The following TP63 variants were observed in gnomAD, a reference collection of about 807,000 sequenced individuals.
The protein encoded by TP63 is tumor protein 63.
A neutral mutation model predicts 82.8 loss-of-function variants in TP63; 17 were observed. That is an observed-to-expected ratio of 0.21 (90% CI 0.14 to 0.31). The LOEUF (loss-of-function observed/expected upper bound fraction) is 0.31, where lower values mean the gene tolerates loss of function less well. Among genes scored for constraint, TP63 ranks in the 10% least tolerant of loss-of-function variants. TP63 has a pLI of 1.00. For synonymous variants in TP63, 330 were observed against 321.7 expected (o/e 1.03, Z -0.28); for missense variants, 648 against 895.3 (o/e 0.72, Z 3.52).
rs1297458185 is a variant in TP63 at position 189,880,932 on chromosome 3, C to CAA, written c.1350-5456_1350-5455dup. On this transcript the variant is annotated intron_variant, in intron 10 of 13. Transcript: ENST00000264731. ...ACATGAAACCCTGGAAGACCTACTA[C>CAA]AAAAAAACTGTTGTTTGGCCCCCAT... 3.0e-6 allele frequency: 3 copies of CAA among 985,304 alleles called. No individual in the cohort carries two copies. In the East Asian group the frequency reaches 3.4e-4, roughly 112 times the overall value. The allele number at this position is 985,304 out of a possible 1,614,324, so 61.0% of individuals were successfully genotyped here. A position where few individuals can be genotyped will look rare whatever the true frequency, so the allele number is the denominator to read the frequency against.
chr3:189,605,263 C>T, the TP63 span, among the ~76,000 whole-genome samples: 1 of 152,198 alleles, frequency 6.6e-6, no homozygotes, highest in South Asian at 2.1e-4. Context: ...ACTCAATAGA[C>T]TGTTTTATTT....
chr3:189,693,806 G>A (rs1717132259), intron 1 of TP63, among the ~76,000 whole-genome samples: 1 of 152,108 alleles, frequency 6.6e-6, no homozygotes, highest in Non-Finnish European at 1.5e-5. Flanking sequence ...GGTGCCTGGT[G>A]TTCTCATTTC....
At chr3:189,833,256 CAAG>C (rs1712630524) in intron 4 of TP63, among the ~76,000 whole-genome samples, 1 of 152,180 alleles carries the variant, frequency 6.6e-6, no homozygotes, top group Admixed American at 6.5e-5. Context: ...GTGATGGCCT[CAAG>C]AAGAAAACAG....
chr3:189,800,343 G>A (rs1455225283), intron 3 of TP63, among the ~76,000 whole-genome samples: 1 of 152,066 alleles, frequency 6.6e-6, no homozygotes, highest in Non-Finnish European at 1.5e-5. Flanking sequence ...AGGAATTTAA[G>A]CTTGAGAGTG....
chr3:189,682,464 T>C (rs1460142591), intron 1 of TP63, among the ~76,000 whole-genome samples: 1 of 147,458 alleles, frequency 6.8e-6, no homozygotes, highest in Non-Finnish European at 1.5e-5. Flanking sequence ...AATAGGACGA[T>C]ATTTTGCAAA....
chr3:189,865,910 A>G (rs1453321706), intron 5 of TP63, among the ~76,000 whole-genome samples: 1 of 152,216 alleles, frequency 6.6e-6, no homozygotes, highest in African/African-American at 2.4e-5. Flanking sequence ...TTTTAACCAT[A>G]ATAGATGATG....
At chr3:189,758,982 T>C (rs577418268) in intron 3 of TP63, among the ~76,000 whole-genome samples, 1 of 152,350 alleles carries the variant, frequency 6.6e-6, no homozygotes, top group South Asian at 2.1e-4. Flanking sequence ...TTTTGTTTAT[T>C]TGGGTGTCAT....
chr3:189,772,702 C>T (rs1723467770), intron 3 of TP63, among the ~76,000 whole-genome samples: 1 of 152,166 alleles, frequency 6.6e-6, no homozygotes, highest in South Asian at 2.1e-4. Flanking sequence ...CCAAGCCCAA[C>T]CCCTTGATAA....
chr3:189,850,711 A>G (rs1715514342), intron 4 of TP63, among the ~76,000 whole-genome samples: 1 of 152,182 alleles, frequency 6.6e-6, no homozygotes, highest in South Asian at 2.1e-4. Flanking sequence ...CATGTACCCT[A>G]AAACTTAAAG....
At chr3:189,609,852 A>G in the TP63 span, among the ~76,000 whole-genome samples, 2 of 152,120 alleles carry the variant, frequency 1.3e-5, no homozygotes, top group Non-Finnish European at 2.9e-5. Flanking sequence ...TTGCATGCAT[A>G]TGTCTTTATA....
chr3:189,791,561 G>T (rs1446579531), intron 3 of TP63, among the ~76,000 whole-genome samples: 3 of 152,006 alleles, frequency 2.0e-5, no homozygotes, highest in African/African-American at 7.2e-5. Context: ...GCTACAAAAG[G>T]CATCCCTTGT....
At chr3:189,686,671 A>C (rs1716462441) in intron 1 of TP63, among the ~76,000 whole-genome samples, 1 of 150,022 alleles carries the variant, frequency 6.7e-6, no homozygotes, top group South Asian at 2.1e-4. Context: ...ATAAGGGAAC[A>C]TACCACCAGT....
chr3:189,645,469 AT>A (rs147789307), intron 1 of TP63: 16,655 of 235,112 alleles, frequency 0.071, 722 homozygotes, highest in Middle Eastern at 0.19. Flanking sequence ...TCTTTTTTAA[AT>A]TTTTTTTTAT....
intron 3 of TP63, among the ~76,000 whole-genome samples, chr3:189,761,641 G>T (rs144784324): frequency 6.6e-6 from 1 of 152,046 alleles, no homozygotes; most frequent in Non-Finnish European, 1.5e-5. Flanking sequence ...ACCTCTGCCC[G>T]TTACCCAGTT....
chr3:189,631,680 T>TA (rs1325974817), intron 1 of TP63, 103 bp downstream of exon 1: 1 of 1,600,772 alleles, frequency 6.2e-7, no homozygotes, highest in African/African-American at 1.3e-5. Context: ...CCTTGTTTAG[T>TA]CAGCACAGTG....
the TP63 span, among the ~76,000 whole-genome samples, chr3:189,607,253 T>G: frequency 0.038 from 5,795 of 152,260 alleles, 132 homozygotes; most frequent in Middle Eastern, 0.065. Context: ...AAAAGAACAT[T>G]AGTAGCAAAA....
intron 1 of TP63, among the ~76,000 whole-genome samples, chr3:189,706,334 G>A (rs1168648470): frequency 1.1e-4 from 16 of 152,036 alleles, no homozygotes; most frequent in Non-Finnish European, 2.2e-4. Flanking sequence ...TCAGCTCACT[G>A]CAACCTCCGC....
intron 4 of TP63, among the ~76,000 whole-genome samples, chr3:189,812,294 G>C (rs76768241): frequency 0.019 from 2,870 of 152,126 alleles, 91 homozygotes; most frequent in African/African-American, 0.065. Context: ...CAAAAATATG[G>C]TATTTATTTT....
At chr3:189,792,672 G>T (rs1725274191) in intron 3 of TP63, among the ~76,000 whole-genome samples, 1 of 152,024 alleles carries the variant, frequency 6.6e-6, no homozygotes. Flanking sequence ...AGTTGAGAGA[G>T]CTATATGTAT....
Sources: allele counts gnomAD v4.1 joint callset (sites outside exome capture counted in the v4.1 genomes callset), GRCh38; gene constraint gnomAD v4.1.1; transcripts MANE v1.5; gene names NCBI Gene and HGNC (gene_info 2026-07-23, HGNC 2026-07-21).